The following HSBP1 variants were observed in gnomAD, a reference collection of about 807,000 sequenced individuals.
HSBP1 encodes heat shock factor binding protein 1, also known as heat shock factor-binding protein 1.
Under a neutral mutation model 9.6 loss-of-function variants are expected in HSBP1, and 5 were observed. The ratio of observed to expected loss-of-function variants is 0.52; its 90% CI spans 0.27 to 1.09. The LOEUF is 1.09. Among genes scored for constraint, HSBP1 ranks in the 50% least tolerant of loss-of-function variants. HSBP1 has a pLI of 0.11. For missense variants in HSBP1, 121 were observed against 96.3 expected (o/e 1.26, Z -1.07); for synonymous variants, 42 against 33.3 (o/e 1.26, Z -0.90).
At chr16:83,809,126 C>T in intron 2 of HSBP1, 179 bp from the exon 3 acceptor site, 2 of 566,128 alleles carry the variant, frequency 3.5e-6, no homozygotes, top group South Asian at 2.3e-5. Context: ...GGCTGGAATC[C>T]GATGCGGGGT....
Position 83,808,764 on chromosome 16 carries a change from A to C in HSBP1, c.112+18A>C, listed in dbSNP as rs778349025. ...TGGGAGAAATATCCTTTTTATCTGC[A>C]GTCGGCCTCCTGTGGGCCTTTGGAG... On this transcript the variant is annotated intron_variant, in intron 2 of 3. Coordinates refer to ENST00000433866, the MANE Select transcript of HSBP1 (RefSeq NM_001537.4). 6.3e-7 allele frequency: 1 copy of C among 1,597,682 alleles called. No individual in the cohort carries two copies. Among genetic ancestry groups the C allele is most frequent in the African/African-American group, 1.3e-5 (1 of 74,716 alleles).
rs1173867521 is a variant in HSBP1 at position 83,819,587 on chromosome 16, C to G, written c.*8169C>G. 6.6e-6 allele frequency: 1 copy of G among 152,148 alleles called. No individual in the cohort carries two copies. The highest frequency in any genetic ancestry group is 1.5e-5 in the Non-Finnish European group (1 of 68,028). 9.4% of individuals were successfully genotyped at this position (152,148 alleles called of 1,614,324 possible). A position where few individuals can be genotyped will look rare whatever the true frequency, so the allele number is the denominator to read the frequency against. ...AATGTACTTCAGTAAAAAATCATTTCAACTCTTAAGCCACAAAAGGATATC... is the reference window on the plus strand; with the variant it reads ...AATGTACTTCAGTAAAAAATCATTTGAACTCTTAAGCCACAAAAGGATATC... On this transcript the variant is annotated 3_prime_UTR_variant, in exon 4 of 4. Transcript: ENST00000433866.
rs1904772181 is a variant in HSBP1, at chr16:83,818,633, C to G, written c.*7215C>G. The G allele has an allele frequency of 6.6e-6, 1 of 152,090 alleles. No individual in the cohort carries two copies. Among genetic ancestry groups the G allele is most frequent in the African/African-American group, 2.4e-5 (1 of 41,402 alleles). 9.4% of individuals were successfully genotyped at this position (152,090 alleles called of 1,614,324 possible). A position where few individuals can be genotyped will look rare whatever the true frequency, so the allele number is the denominator to read the frequency against. ...TTAAACACCACTGAGATGTTAAGGT[C>G]TTTCTTGGGAACCACCGTGATGTTC... On this transcript the variant is annotated 3_prime_UTR_variant, in exon 4 of 4. Coordinates refer to ENST00000433866, the MANE Select transcript of HSBP1 (RefSeq NM_001537.4).
chr16:83,813,255 G>C lies in HSBP1; in HGVS notation c.*1837G>C, dbSNP rs143145346. ...CCTGGAGATGCTGCAGGAAGGAAGGGGTTATGGTCACTTGGGTTTAGACGA... is the reference window on the plus strand; with the variant it reads ...CCTGGAGATGCTGCAGGAAGGAAGGCGTTATGGTCACTTGGGTTTAGACGA... On this transcript the variant is annotated 3_prime_UTR_variant, in exon 4 of 4. Transcript: ENST00000433866. 5 of 152,412 alleles carry C rather than the reference G, an allele frequency of 3.3e-5. No individual in the cohort carries two copies. Among genetic ancestry groups the C allele is most frequent in the Non-Finnish European group, 5.9e-5 (4 of 68,110 alleles). The allele number at this position is 152,412 out of a possible 1,614,324, so 9.4% of individuals were successfully genotyped here.
chr16:83,808,268 G>T (rs1347173347), intron 1 of HSBP1, 147 bp downstream of exon 1: 2 of 717,538 alleles, frequency 2.8e-6, no homozygotes, highest in South Asian at 3.8e-5. Flanking sequence ...GAGGCTCCCG[G>T]CCACCTTGAC....
At position 83,808,738 on chromosome 16, in the gene HSBP1, T is replaced by A; in HGVS notation, c.104T>A (p.Ile35Asn). The change falls in exon 2 of 4, where the codon ATT (isoleucine) becomes AAT (asparagine). Residue 35 changes from isoleucine to asparagine, a missense_variant. Transcript: ENST00000433866. ...TTTCAGACCATGTCTGACCAGATCA[T>A]TGGGAGAAATATCCTTTTTATCTGC... is the stretch of plus-strand genomic sequence containing the variant. The part of the protein sequence containing the change: ...DKFQTMSDQI[I>N]GRIDDMSSRI... The A allele has an allele frequency of 1.9e-6, 3 of 1,610,334 alleles. No homozygotes were observed. The highest frequency in any genetic ancestry group is 2.5e-6 in the Non-Finnish European group (3 of 1,177,106).
At position 83,809,405 on chromosome 16, in the gene HSBP1, T is replaced by A; in HGVS notation, c.213T>A (p.Pro71=). 1 of 1,590,734 alleles carries A rather than the reference T, an allele frequency of 6.3e-7. No individual in the cohort carries two copies. Among genetic ancestry groups the A allele is most frequent in the East Asian group, 2.3e-5 (1 of 44,156 alleles). Residue 71 remains proline, a synonymous_variant, in exon 3 of 4, where the codon CCT becomes CCA. Coordinates refer to ENST00000433866, the MANE Select transcript of HSBP1 (RefSeq NM_001537.4). ...AACTGGAAAGTGAAAACAAGATACC[T>A]GCCACGCAAAAGAGTTGAAGGTGAG... is the stretch of plus-strand genomic sequence containing the variant. ...VEELESENKI[P]ATQKS is the part of the protein sequence containing the mutation.
At position 83,809,375 on chromosome 16, in the gene HSBP1, G is replaced by C. The variant is rs1242843094; in HGVS notation, c.183G>C (p.Val61=). The change falls in exon 3 of 4, where the codon GTG becomes GTC. Residue 61 remains valine, a synonymous_variant. Coordinates refer to ENST00000433866, the MANE Select transcript of HSBP1 (RefSeq NM_001537.4). ...NIADLMTQAG[V]EELESENKIP... ...CGGACCTCATGACACAGGCTGGGGT[G>C]GAAGAACTGGAAAGTGAAAACAAGA... is the stretch of plus-strand genomic sequence containing the variant. The C allele has an allele frequency of 6.2e-7, 1 of 1,605,152 alleles. No individual in the cohort carries two copies. Among genetic ancestry groups the C allele is most frequent in the Admixed American group, 1.7e-5 (1 of 59,030 alleles).
rs1904498566 is a variant in HSBP1 at position 83,808,014 on chromosome 16, A to G, written c.-63A>G. The G allele has an allele frequency of 2.0e-5, 28 of 1,424,648 alleles. No individual in the cohort carries two copies. In the South Asian group the frequency reaches 3.7e-4, roughly 19 times the overall value. 88.3% of individuals were successfully genotyped at this position (1,424,648 alleles called of 1,614,324 possible). Reference sequence around the variant, plus strand: ...GAGAAGCAGCGGCCCGGGGCGACTGAGCGGACAAACGGAAGTGTAGGTTAC... The same window carrying G: ...GAGAAGCAGCGGCCCGGGGCGACTGGGCGGACAAACGGAAGTGTAGGTTAC... On this transcript the variant is annotated 5_prime_UTR_variant, in exon 1 of 4. Coordinates refer to ENST00000433866, the MANE Select transcript of HSBP1 (RefSeq NM_001537.4).
Position 83,812,319 on chromosome 16 carries a change from A to G in HSBP1, c.*901A>G, listed in dbSNP as rs1453424170. On this transcript the variant is annotated 3_prime_UTR_variant, in exon 4 of 4. Transcript: ENST00000433866. ...TAGAATATGATCAACGACTTGTAGT[A>G]GACTCAAGTTTTTAAAAAACACTAT... is the stretch of plus-strand genomic sequence containing the variant. 6.6e-6 allele frequency: 1 copy of G among 152,428 alleles called. No individual in the cohort carries two copies. The highest frequency in any genetic ancestry group is 1.5e-5 in the Non-Finnish European group (1 of 68,052). 9.4% of individuals were successfully genotyped at this position (152,428 alleles called of 1,614,324 possible).
rs1383663384 is a variant in HSBP1 at position 83,813,896 on chromosome 16, A to G, written c.*2478A>G. On this transcript the variant is annotated 3_prime_UTR_variant, in exon 4 of 4. Transcript: ENST00000433866. ...ATATCAATTTTTTCTTTGTTTCACTACAAGTACAGTCATTGTTTAACCCTA... is the reference window on the plus strand; with the variant it reads ...ATATCAATTTTTTCTTTGTTTCACTGCAAGTACAGTCATTGTTTAACCCTA... The G allele has an allele frequency of 2.0e-5, 3 of 152,176 alleles. No homozygotes were observed. The highest frequency in any genetic ancestry group is 2.9e-5 in the Non-Finnish European group (2 of 68,042). The allele number at this position is 152,176 out of a possible 1,614,324, so 9.4% of individuals were successfully genotyped here.
chr16:83,809,796 G>A (rs1288767404), intron 3 of HSBP1, among the ~76,000 whole-genome samples: 2 of 151,964 alleles, frequency 1.3e-5, no homozygotes, highest in Non-Finnish European at 2.9e-5. Context: ...TAAAAGAATA[G>A]AGAGAACCTG....
At position 83,814,780 on chromosome 16, in the gene HSBP1, C is replaced by G. The variant is rs1475561668; in HGVS notation, c.*3362C>G. On this transcript the variant is annotated 3_prime_UTR_variant, in exon 4 of 4. Coordinates refer to ENST00000433866, the MANE Select transcript of HSBP1 (RefSeq NM_001537.4). ...GTGCTCCTGGATCAGTGCCTTTTTT[C>G]TCCTAAATCAGTTGAGAACAACAAC... The G allele has an allele frequency of 1.3e-5, 2 of 152,192 alleles. No homozygotes were observed. Among genetic ancestry groups the G allele is most frequent in the African/African-American group, 2.4e-5 (1 of 41,438 alleles). The allele number at this position is 152,192 out of a possible 1,614,324, so 9.4% of individuals were successfully genotyped here.
At chr16:83,808,209 G>A in intron 1 of HSBP1, 88 bp downstream of exon 1, 1 of 1,136,280 alleles carries the variant, frequency 8.8e-7, no homozygotes, top group Non-Finnish European at 1.2e-6. Flanking sequence ...GCCCACCGCG[G>A]CCGCGCGTGG....
Position 83,809,408 on chromosome 16 carries a change from C to T in HSBP1, c.216C>T (p.Ala72=), listed in dbSNP as rs762362790. Reference sequence around the variant, plus strand: ...TGGAAAGTGAAAACAAGATACCTGCCACGCAAAAGAGTTGAAGGTGAGGAA... The same window carrying T: ...TGGAAAGTGAAAACAAGATACCTGCTACGCAAAAGAGTTGAAGGTGAGGAA... ...EELESENKIP[A]TQKS Residue 72 remains alanine (A), a synonymous_variant, in exon 3 of 4, where the codon GCC becomes GCT. Transcript: ENST00000433866. 2.5e-6 allele frequency: 4 copies of T among 1,586,880 alleles called. No individual in the cohort carries two copies. Among genetic ancestry groups the T allele is most frequent in the South Asian group, 1.1e-5 (1 of 87,722 alleles).
In HSBP1 at chr16:83,817,557, G is replaced by A. The variant is rs148507169; in HGVS notation, c.*6139G>A. On this transcript the variant is annotated 3_prime_UTR_variant, in exon 4 of 4. Coordinates refer to ENST00000433866, the MANE Select transcript of HSBP1 (RefSeq NM_001537.4). ...GCTGGAATTCATCTCCCTCTAATCAGCCTTCAAAACCTCCATTTGTAAACC... is the reference window on the plus strand; with the variant it reads ...GCTGGAATTCATCTCCCTCTAATCAACCTTCAAAACCTCCATTTGTAAACC... 11 of 152,100 alleles carry A rather than the reference G, an allele frequency of 7.2e-5. No individual in the cohort carries two copies. Among genetic ancestry groups the A allele is most frequent in the African/African-American group, 2.7e-4 (11 of 41,400 alleles). 9.4% of individuals were successfully genotyped at this position (152,100 alleles called of 1,614,324 possible).
Position 83,818,315 on chromosome 16 carries a change from T to G in HSBP1, c.*6897T>G, listed in dbSNP as rs1904765850. The G allele has an allele frequency of 6.6e-6, 1 of 152,138 alleles. No individual in the cohort carries two copies. The allele number at this position is 152,138 out of a possible 1,614,324, so 9.4% of individuals were successfully genotyped here. On this transcript the variant is annotated 3_prime_UTR_variant, in exon 4 of 4. Transcript: ENST00000433866. Reference sequence around the variant, plus strand: ...CTGTGACCCAACTTTGTCTTCCCCATGATGAAAAACAGACCCCATAGAAAC... The same window carrying G: ...CTGTGACCCAACTTTGTCTTCCCCAGGATGAAAAACAGACCCCATAGAAAC...
chr16:83,809,457 C>CTT, intron 3 of HSBP1, 32 bp downstream of exon 3: 5 of 645,744 alleles, frequency 7.7e-6, no homozygotes, highest in East Asian at 6.7e-5. Flanking sequence ...TTTTTCTTTT[C>CTT]TTTTCTTTTT....
At position 83,812,045 on chromosome 16, in the gene HSBP1, C is replaced by G. The variant is rs899262010; in HGVS notation, c.*627C>G. The G allele has an allele frequency of 6.6e-6, 1 of 152,658 alleles. No individual in the cohort carries two copies. The highest frequency in any genetic ancestry group is 6.5e-5 in the Admixed American group (1 of 15,294). The allele number at this position is 152,658 out of a possible 1,614,324, so 9.5% of individuals were successfully genotyped here. A position where few individuals can be genotyped will look rare whatever the true frequency, so the allele number is the denominator to read the frequency against. ...AGTCGATGAAAAGTAACCACTGCCA[C>G]TGTCTTGTGTCAGAACTTTTACAGT... is the stretch of plus-strand genomic sequence containing the variant. On this transcript the variant is annotated 3_prime_UTR_variant, in exon 4 of 4. Transcript: ENST00000433866.
Sources: gnomAD v4.1 joint callset for allele counts (sites outside exome capture counted in the v4.1 genomes callset) on GRCh38, gnomAD v4.1.1 for gene constraint, MANE v1.5 for transcripts, NCBI Gene and HGNC (gene_info 2026-07-23, HGNC 2026-07-21) for gene names.